Variants in TEAD3 observed in about 807,000 individuals in gnomAD.
TEAD3 encodes the protein transcriptional enhancer factor TEF-5.
Under a neutral mutation model 55.6 loss-of-function variants are expected in TEAD3, and 15 were observed. The observed-to-expected ratio is 0.27, with a 90% CI of 0.18 to 0.42. The LOEUF (loss-of-function observed/expected upper bound fraction) is 0.42, where lower values mean the gene tolerates loss of function less well. Ranked by LOEUF, TEAD3 falls within the 10% of genes least tolerant of loss-of-function variation. The pLI, the probability that TEAD3 is intolerant of heterozygous loss-of-function variation, is 1.00. For missense variants in TEAD3, 407 were observed against 576.8 expected, an observed-to-expected ratio of 0.71 and a Z score of 3.01; for synonymous variants, 210 against 232.2, an observed-to-expected ratio of 0.90 and a Z score of 0.87.
At chr6:35,480,004 G>A (rs1768232901) in intron 4 of TEAD3, 1 of 1,400,138 alleles carries the variant, frequency 7.1e-7, no homozygotes, top group African/African-American at 1.4e-5. Context: ...AGCAGCGACA[G>A]GCCTGCACCC....
At chr6:35,476,790 G>C (rs1768158198) in intron 8 of TEAD3, among the ~76,000 whole-genome samples, 1 of 151,980 alleles carries the variant, frequency 6.6e-6, no homozygotes, top group African/African-American at 2.4e-5. Context: ...TGTAGGTTTT[G>C]GTGGTGTGTG....
chr6:35,489,734 CAA>C (rs1296309596), intron 1 of TEAD3, among the ~76,000 whole-genome samples: 1 of 152,006 alleles, frequency 6.6e-6, no homozygotes, highest in African/African-American at 2.4e-5. Context: ...GAGGGGTAAA[CAA>C]AATAAATATA....
At chr6:35,476,224 C>T in intron 9 of TEAD3, 78 bp downstream of exon 9, 1 of 1,564,392 alleles carries the variant, frequency 6.4e-7, no homozygotes, top group Non-Finnish European at 8.7e-7. Flanking sequence ...CCCCCAGATC[C>T]TGAGTTGCAG....
downstream of TEAD3, chr6:35,474,620 A>G (rs2076173): frequency 0.3 from 53,467 of 176,370 alleles, 14,742 homozygotes; most frequent in African/African-American, 0.77. Context: ...GTCCAACCCC[A>G]ACCGGACACT....
At position 35,475,173 on chromosome 6, in the gene TEAD3, G is replaced by T. The variant is rs1481038080; in HGVS notation, c.1195-16C>A. On this transcript the variant is annotated splice_polypyrimidine_tract_variant and intron_variant, in intron 12 of 12. Transcript: ENST00000639578. The surrounding 1 kb of genome is among the most constrained non-coding windows in gnomAD (Gnocchi z 5.4). ...TCGTGACCACCTGGGGGGTGAGCAG[G>T]TAAGAGATTCAGGAGGTCAGGGAGA... 4 of 1,571,604 alleles carry T rather than the reference G, an allele frequency of 2.5e-6. No individual in the cohort carries two copies. The highest frequency in any genetic ancestry group is 3.5e-6 in the Non-Finnish European group (4 of 1,157,990).
At chr6:35,477,585 T>G in intron 7 of TEAD3, among the ~76,000 whole-genome samples, 1 of 151,716 alleles carries the variant, frequency 6.6e-6, no homozygotes, top group Non-Finnish European at 1.5e-5. Context: ...TCTGCCCATT[T>G]AGTGTAGGAT....
rs763862943 is a variant in TEAD3 at position 35,477,323 on chromosome 6, G to A, written c.580C>T (p.Pro194Ser). The A allele has an allele frequency of 6.2e-6, 10 of 1,607,174 alleles. No individual in the cohort carries two copies. Among genetic ancestry groups the A allele is most frequent in the East Asian group, 2.2e-5 (1 of 44,888 alleles). Residue 194 changes from proline to serine, a missense_variant, in exon 8 of 13, where the codon CCG becomes TCG. Transcript: ENST00000639578. ...GTGGGGAACTTACTGCTGAGCGTCG[G>A]CGGCAGGGGCGGCTGGATGGGGTAG...
At position 35,485,661 on chromosome 6, in the gene TEAD3, C is replaced by A. The variant is rs1294018076; in HGVS notation, c.202+800G>T. Among the ~76,000 whole-genome samples the A allele has an allele frequency of 1.3e-5, 2 of 152,190 alleles. No individual in the cohort carries two copies. Among genetic ancestry groups the A allele is most frequent in the Non-Finnish European group, 2.9e-5 (2 of 68,026 alleles). On this transcript the variant is annotated intron_variant, in intron 2 of 12. Coordinates refer to ENST00000639578, the Ensembl canonical transcript of TEAD3. The surrounding 1 kb of genome is among the most constrained non-coding windows in gnomAD (Gnocchi z 4.3). The stretch of plus-strand genomic sequence containing the variant: ...GAGGCAGCAGTGGGGGCAGACAGCA[C>A]CCACCCTGTGGAAGGCACCCTGGAC...
chr6:35,493,743 C>A (rs550522185), intron 1 of TEAD3, among the ~76,000 whole-genome samples: 1 of 152,356 alleles, frequency 6.6e-6, no homozygotes, highest in Admixed American at 6.5e-5. Context: ...TCACACAGAT[C>A]GCCACTCATC....
At chr6:35,490,550 G>T (rs1344424618) in intron 1 of TEAD3, among the ~76,000 whole-genome samples, 1 of 152,198 alleles carries the variant, frequency 6.6e-6, no homozygotes, top group African/African-American at 2.4e-5. Flanking sequence ...GTGCTCGGGA[G>T]GACAACCACG....
At chr6:35,476,240 G>T in intron 9 of TEAD3, 62 bp downstream of exon 9, 1 of 1,574,298 alleles carries the variant, frequency 6.4e-7, no homozygotes, top group Non-Finnish European at 8.6e-7. Context: ...TGCAGCCCTG[G>T]ATCACCCGGC....
intron 1 of TEAD3, among the ~76,000 whole-genome samples, chr6:35,494,430 C>T (rs1768596520): frequency 6.6e-6 from 1 of 152,196 alleles, no homozygotes; most frequent in Non-Finnish European, 1.5e-5. Flanking sequence ...CTTCTGCAGA[C>T]AGCCCAGGGC....
rs955911978 is a variant in TEAD3, at chr6:35,486,146, C to G, written c.202+315G>C. Among the ~76,000 whole-genome samples the G allele has an allele frequency of 6.6e-6, 1 of 152,246 alleles. No individual in the cohort carries two copies. Among genetic ancestry groups the G allele is most frequent in the Non-Finnish European group, 1.5e-5 (1 of 68,036 alleles). The stretch of plus-strand genomic sequence containing the variant: ...TCCTCCTCCGGGAAGGGACCCCGTT[C>G]CGGGCCTCGACCGGCGCAGACTGGG... On this transcript the variant is annotated intron_variant, in intron 2 of 12. Coordinates refer to ENST00000639578, the Ensembl canonical transcript of TEAD3. This position sits in a 1 kb window ranked among gnomAD's most constrained non-coding sequence, Gnocchi z 7.3.
chr6:35,490,125 A>G (rs1768477971), intron 1 of TEAD3, among the ~76,000 whole-genome samples: 1 of 152,010 alleles, frequency 6.6e-6, no homozygotes, highest in East Asian at 1.9e-4. Flanking sequence ...GCAGCCCCAG[A>G]CTTTTAAAGC....
chr6:35,476,217 C>T, intron 9 of TEAD3, 85 bp downstream of exon 9: 1 of 1,560,754 alleles, frequency 6.4e-7, no homozygotes, highest in Non-Finnish European at 8.7e-7. Context: ...CCCCCAACCC[C>T]CAGATCCTGA....
intron 1 of TEAD3, among the ~76,000 whole-genome samples, chr6:35,494,763 C>A (rs1768604201): frequency 6.6e-6 from 1 of 152,054 alleles, no homozygotes; most frequent in South Asian, 2.1e-4. Flanking sequence ...GTAGAGCCAC[C>A]CAAGCGGCCT....
intron 3 of TEAD3, among the ~76,000 whole-genome samples, chr6:35,482,134 A>C (rs1768278221): frequency 6.6e-6 from 1 of 152,162 alleles, no homozygotes; most frequent in South Asian, 2.1e-4. Context: ...CCAGGTGCAC[A>C]CCACCACACC....
At chr6:35,482,776 C>T (rs965419767) in intron 3 of TEAD3, among the ~76,000 whole-genome samples, 2 of 152,036 alleles carry the variant, frequency 1.3e-5, no homozygotes, top group Non-Finnish European at 2.9e-5. Flanking sequence ...AAAAAACCAA[C>T]AAAAAAACAG....
chr6:35,475,243 G>A lies in TEAD3; in HGVS notation c.1195-86C>T, dbSNP rs1366084594. ...GGCTGAACAGACCATTCTCCTTTCC[G>A]GATCTATGCCTCTCAGCCAAGCGAT... On this transcript the variant is annotated intron_variant, in intron 12 of 12. Transcript: ENST00000639578. This position sits in a 1 kb window ranked among gnomAD's most constrained non-coding sequence, Gnocchi z 5.4. 13 of 1,596,344 alleles carry A rather than the reference G, an allele frequency of 8.1e-6. No homozygotes were observed. The highest frequency in any genetic ancestry group is 4.5e-5 in the East Asian group (2 of 44,256).
Sources: gnomAD v4.1 joint callset for allele counts (sites outside exome capture counted in the v4.1 genomes callset) on GRCh38, gnomAD v4.1.1 for gene constraint, Gnocchi (gnomAD v3.1) non-coding constraint, MANE v1.5 for transcripts, NCBI Gene and HGNC (gene_info 2026-07-23, HGNC 2026-07-21) for gene names.